PROKR1: variants seen among roughly 807,000 people sequenced by gnomAD.
PROKR1 encodes prokineticin receptor 1, also known as G protein-coupled receptor 73.
Under a neutral mutation model 22.8 loss-of-function variants are expected in PROKR1, and 21 were observed. The observed-to-expected ratio is 0.92, with a 90% CI of 0.65 to 1.32. PROKR1 has a LOEUF of 1.32. Among genes scored for constraint, PROKR1 ranks in the 40% most tolerant of loss-of-function variants. The pLI, the probability that PROKR1 is intolerant of heterozygous loss-of-function variation, is 0.00. For missense variants in PROKR1, 548 were observed against 514.2 expected (o/e 1.07, Z -0.64); for synonymous variants, 193 against 207.5 (o/e 0.93, Z 0.60).
chr2:68,649,305 C>T (rs1230100255), intron 2 of PROKR1, among the ~76,000 whole-genome samples: 1 of 152,180 alleles, frequency 6.6e-6, no homozygotes, highest in Non-Finnish European at 1.5e-5. Flanking sequence ...TTCATTCAAC[C>T]TCCAGGTCTT....
intron 2 of PROKR1, among the ~76,000 whole-genome samples, chr2:68,647,333 G>A (rs1277885012): frequency 6.6e-6 from 1 of 152,144 alleles, no homozygotes; most frequent in South Asian, 2.1e-4. Flanking sequence ...TAGCTCCTCT[G>A]CCCACAGCTG....
chr2:68,651,343 G>A (rs904353371), intron 2 of PROKR1, among the ~76,000 whole-genome samples: 4 of 152,046 alleles, frequency 2.6e-5, no homozygotes, highest in African/African-American at 7.2e-5. Flanking sequence ...AGCCAGCCTC[G>A]GTGACAGAGC....
At chr2:68,646,446 G>T in intron 2 of PROKR1, 140 bp downstream of exon 2, 2 of 1,282,724 alleles carry the variant, frequency 1.6e-6, no homozygotes, top group South Asian at 1.3e-5. Flanking sequence ...GGACTCAAAA[G>T]CTTGCCCATT....
Position 68,646,002 on chromosome 2 carries a change from G to A in PROKR1, c.181G>A (p.Ala61Thr), listed in dbSNP as rs756774774. The A allele has an allele frequency of 1.2e-6, 2 of 1,614,142 alleles. No homozygotes were observed. Among genetic ancestry groups the A allele is most frequent in the Non-Finnish European group, 8.5e-7 (1 of 1,180,062 alleles). Residue 61 changes from alanine (A) to threonine (T), a missense_variant, in exon 2 of 3, where the codon GCC (alanine) becomes ACC (threonine). Transcript: ENST00000303786. ...DVTNSRTFFA[A>T]KIVIGMALVG... ...GACCAATTCCAGGACGTTCTTTGCT[G>A]CCAAGATTGTCATTGGGATGGCCCT...
chr2:68,652,028 A>G (rs1673341991), intron 2 of PROKR1, among the ~76,000 whole-genome samples: 1 of 152,198 alleles, frequency 6.6e-6, no homozygotes, highest in African/African-American at 2.4e-5. Flanking sequence ...GGATGCCAGG[A>G]AGGCAAGAGG....
intron 1 of PROKR1, among the ~76,000 whole-genome samples, chr2:68,644,739 T>G (rs1376476543): frequency 6.6e-6 from 1 of 152,118 alleles, no homozygotes; most frequent in Non-Finnish European, 1.5e-5. Flanking sequence ...CTCCCTGGTC[T>G]GATGTCTTCA....
chr2:68,644,320 G>A (rs1673128283), intron 1 of PROKR1, among the ~76,000 whole-genome samples: 4 of 152,198 alleles, frequency 2.6e-5, no homozygotes, highest in Non-Finnish European at 5.9e-5. Flanking sequence ...GGACCTGCAA[G>A]GAGTGGGGCT....
rs1673176192 is a variant in PROKR1 at position 68,646,238 on chromosome 2, T to C, written c.417T>C (p.Ser139=). 2 of 1,614,026 alleles carry C rather than the reference T, an allele frequency of 1.2e-6. No individual in the cohort carries two copies. Among genetic ancestry groups the C allele is most frequent in the South Asian group, 2.2e-5 (2 of 91,084 alleles). The part of the protein sequence containing the change: ...SWEHGHVLCT[S]VNYLRTVSLY... ...AGCACGGCCACGTCCTGTGCACCTC[T>C]GTCAACTACCTGCGCACTGTCTCTC... is the stretch of plus-strand genomic sequence containing the variant. The change falls in exon 2 of 3, where the codon TCT becomes TCC. Residue 139 remains serine (S), a synonymous_variant. Transcript: ENST00000303786.
chr2:68,649,397 C>T (rs1673262680), intron 2 of PROKR1: 1 of 152,222 alleles, frequency 6.6e-6, no homozygotes, highest in Admixed American at 6.5e-5. Context: ...TGGATCTGCC[C>T]ATCTGTCAAC....
At chr2:68,652,051 T>C (rs11126188) in intron 2 of PROKR1, among the ~76,000 whole-genome samples, 2,785 of 152,160 alleles carry the variant, frequency 0.018, 77 homozygotes, top group African/African-American at 0.063. Flanking sequence ...GGGGCATCAT[T>C]TTGCTCTTGG....
chr2:68,646,600 A>G (rs1239806172), intron 2 of PROKR1, among the ~76,000 whole-genome samples: 2 of 152,242 alleles, frequency 1.3e-5, no homozygotes, highest in African/African-American at 2.4e-5. Flanking sequence ...GGTCTAGAGT[A>G]GACAGGTAAG....
At chr2:68,646,577 T>TAGA (rs1332405687) in intron 2 of PROKR1, among the ~76,000 whole-genome samples, 1 of 152,180 alleles carries the variant, frequency 6.6e-6, no homozygotes, top group Non-Finnish European at 1.5e-5. Context: ...TTCCTAGATA[T>TAGA]TACACCTTTC....
In PROKR1 at chr2:68,655,109, A is replaced by T; in HGVS notation, c.715A>T (p.Ile239Leu). ...YKSYFLFIFG[I>L]EFVGPVVTMT... ...GTCCTACTTCCTCTTTATCTTTGGC[A>T]TAGAATTCGTGGGCCCCGTGGTCAC... Residue 239 changes from isoleucine (I) to leucine (L), a missense_variant, in exon 3 of 3, where the codon ATA becomes TTA. Transcript: ENST00000303786. 1 of 1,614,070 alleles carries T rather than the reference A, an allele frequency of 6.2e-7. No homozygotes were observed. The highest frequency in any genetic ancestry group is 8.5e-7 in the Non-Finnish European group (1 of 1,180,020).
At position 68,655,992 on chromosome 2, in the gene PROKR1, A is replaced by G. The variant is rs1386569023; in HGVS notation, c.*416A>G. ...TGGGACTATTCTTGCACTGGACTTCATGCCTAACATTTGCAAGGCTGGAGC... is the reference window on the plus strand; with the variant it reads ...TGGGACTATTCTTGCACTGGACTTCGTGCCTAACATTTGCAAGGCTGGAGC... On this transcript the variant is annotated 3_prime_UTR_variant, in exon 3 of 3. Coordinates refer to ENST00000303786, the MANE Select transcript of PROKR1 (RefSeq NM_138964.4). The G allele has an allele frequency of 3.7e-6, 1 of 271,600 alleles. No individual in the cohort carries two copies. Among genetic ancestry groups the G allele is most frequent in the African/African-American group, 2.2e-5 (1 of 44,742 alleles). The allele number at this position is 271,600 out of a possible 1,614,324, so 16.8% of individuals were successfully genotyped here. A position where few individuals can be genotyped will look rare whatever the true frequency, so the allele number is the denominator to read the frequency against.
At position 68,655,417 on chromosome 2, in the gene PROKR1, C is replaced by T; in HGVS notation, c.1023C>T (p.Cys341=). The T allele has an allele frequency of 6.2e-7, 1 of 1,614,148 alleles. No individual in the cohort carries two copies. The highest frequency in any genetic ancestry group is 1.1e-5 in the South Asian group (1 of 91,078). Residue 341 remains cysteine, a synonymous_variant, in exon 3 of 3, where the codon TGC becomes TGT. Coordinates refer to ENST00000303786, the MANE Select transcript of PROKR1 (RefSeq NM_138964.4). ...GCAACAGCATGATCAACACTCTGTGCTTCGTGACCGTCAAGAACGACACCG... is the reference window on the plus strand; with the variant it reads ...GCAACAGCATGATCAACACTCTGTGTTTCGTGACCGTCAAGAACGACACCG... ...AMSNSMINTL[C]FVTVKNDTVK...
chr2:68,655,086 C>A lies in PROKR1; in HGVS notation c.692C>A (p.Ser231Tyr). Residue 231 changes from serine (S) to tyrosine (Y), a missense_variant, in exon 3 of 3, where the codon TCC becomes TAC. Coordinates refer to ENST00000303786, the MANE Select transcript of PROKR1 (RefSeq NM_138964.4). The part of the protein sequence containing the change: ...WPVDQQLYYK[S>Y]YFLFIFGIEF... ...GTGGACCAGCAGCTCTACTACAAGT[C>A]CTACTTCCTCTTTATCTTTGGCATA... is the stretch of plus-strand genomic sequence containing the variant. 3 of 1,614,042 alleles carry A rather than the reference C, an allele frequency of 1.9e-6. No individual in the cohort carries two copies. The highest frequency in any genetic ancestry group is 2.5e-6 in the Non-Finnish European group (3 of 1,180,024).
At position 68,652,601 on chromosome 2, in the gene PROKR1, T is replaced by C. The variant is rs552604494; in HGVS notation, c.486-2279T>C. 3.9e-5 allele frequency among the ~76,000 whole-genome samples: 6 copies of C among 152,306 alleles called. 1 individual carries two copies. In the South Asian group the frequency reaches 1.2e-3, roughly 32 times the overall value. On this transcript the variant is annotated intron_variant, in intron 2 of 2. Transcript: ENST00000303786. ...AGAAAGGAGGAGAGGACTTGCAAAT[T>C]GAGTGTTTGCCAATAACAGGTAAAA...
At chr2:68,649,838 G>A (rs1673273041) in intron 2 of PROKR1, among the ~76,000 whole-genome samples, 2 of 152,110 alleles carry the variant, frequency 1.3e-5, no homozygotes, top group South Asian at 4.1e-4. Flanking sequence ...CCAGAGGCAG[G>A]AACAAACCAG....
Position 68,655,880 on chromosome 2 carries a change from G to A in PROKR1, c.*304G>A. 2.3e-6 allele frequency: 1 copy of A among 426,372 alleles called. No individual in the cohort carries two copies. 26.4% of individuals were successfully genotyped at this position (426,372 alleles called of 1,614,324 possible). A position where few individuals can be genotyped will look rare whatever the true frequency, so the allele number is the denominator to read the frequency against. On this transcript the variant is annotated 3_prime_UTR_variant, in exon 3 of 3. Transcript: ENST00000303786. ...ATTAAACCAAGGAAAATGTGGTGGT[G>A]TAGATAGAAATAAGGGAGTTTCCAC...
Sources: allele counts gnomAD v4.1 joint callset (sites outside exome capture counted in the v4.1 genomes callset), GRCh38; gene constraint gnomAD v4.1.1; transcripts MANE v1.5; gene names NCBI Gene and HGNC (gene_info 2026-07-23, HGNC 2026-07-21).